Variants in CD1A observed in about 807,000 individuals in gnomAD.
CD1A encodes T-cell surface glycoprotein CD1a.
In CD1A, 50 loss-of-function variants were observed where a neutral mutation model predicts 38.3. The ratio of observed to expected loss-of-function variants is 1.30; its 90% CI spans 1.04 to 1.65. The LOEUF (loss-of-function observed/expected upper bound fraction) is 1.65. Among genes scored for constraint, CD1A ranks in the 40% most tolerant of loss-of-function variants. The probability of loss-of-function intolerance (pLI) is 0.00; values close to 1 mark genes in which losing one functional copy is unlikely to be tolerated. For synonymous variants in CD1A, 160 were observed against 150.8 expected, an observed-to-expected ratio of 1.06 and a Z score of -0.45; for missense variants, 459 against 406.1, an observed-to-expected ratio of 1.13 and a Z score of -1.12.
chr1:158,250,176 G>A (rs968393994), upstream of CD1A, among the ~76,000 whole-genome samples: 1 of 152,214 alleles, frequency 6.6e-6, no homozygotes, highest in African/African-American at 2.4e-5. Context: ...GAGATCAGAC[G>A]GCTGTATGGG....
Position 158,257,919 on chromosome 1 carries a change from C to T in CD1A, c.*229C>T, listed in dbSNP as rs1012461365. ...ACCTGGGTTCTGGGACTTTTAAATT[C>T]AAATTTTATCTCCAGATGGAATGGG... On this transcript the variant is annotated 3_prime_UTR_variant, in exon 6 of 6. Coordinates refer to ENST00000289429, the MANE Select transcript of CD1A (RefSeq NM_001763.3). 1 of 533,184 alleles carries T rather than the reference C, an allele frequency of 1.9e-6. No individual in the cohort carries two copies. Among genetic ancestry groups the T allele is most frequent in the Non-Finnish European group, 3.3e-6 (1 of 299,718 alleles). The allele number at this position is 533,184 out of a possible 1,614,324, so 33.0% of individuals were successfully genotyped here. A position where few individuals can be genotyped will look rare whatever the true frequency, so the allele number is the denominator to read the frequency against.
Position 158,254,579 on chromosome 1 carries a change from G to A in CD1A, c.-91G>A. The A allele has an allele frequency of 6.2e-7, 1 of 1,602,184 alleles. No individual in the cohort carries two copies. Among genetic ancestry groups the A allele is most frequent in the East Asian group, 2.2e-5 (1 of 44,622 alleles). On this transcript the variant is annotated 5_prime_UTR_variant, in exon 1 of 6. Coordinates refer to ENST00000289429, the MANE Select transcript of CD1A (RefSeq NM_001763.3). The stretch of plus-strand genomic sequence containing the variant: ...GTTTGTCTGTTGGCTGCAGAAAGAA[G>A]TCAGAATAGAGATATCGTGGGGTAG...
In CD1A at chr1:158,257,748, C is replaced by T; in HGVS notation, c.*58C>T. On this transcript the variant is annotated 3_prime_UTR_variant, in exon 6 of 6. Coordinates refer to ENST00000289429, the MANE Select transcript of CD1A (RefSeq NM_001763.3). ...CTTTTGGGGTGAGAGACCAGCAGCCCAAGGGCTCCAGACACACCTGAACAC... is the reference window on the plus strand; with the variant it reads ...CTTTTGGGGTGAGAGACCAGCAGCCTAAGGGCTCCAGACACACCTGAACAC... 6.7e-7 allele frequency: 1 copy of T among 1,500,650 alleles called. No homozygotes were observed. Among genetic ancestry groups the T allele is most frequent in the East Asian group, 2.3e-5 (1 of 44,336 alleles). The allele number at this position is 1,500,650 out of a possible 1,614,324, so 93.0% of individuals were successfully genotyped here. A position where few individuals can be genotyped will look rare whatever the true frequency, so the allele number is the denominator to read the frequency against.
intron 3 of CD1A, among the ~76,000 whole-genome samples, 195 bp from the exon 4 acceptor site, chr1:158,256,591 G>A (rs1650263068): frequency 2.0e-5 from 3 of 151,822 alleles, no homozygotes; most frequent in Admixed American, 2.0e-4. Flanking sequence ...GATCGCTTGA[G>A]CCTAACAGTT....
chr1:158,252,322 G>GA (rs1032517289), upstream of CD1A, among the ~76,000 whole-genome samples: 1 of 151,982 alleles, frequency 6.6e-6, no homozygotes, highest in Non-Finnish European at 1.5e-5. Flanking sequence ...AGACTGATGC[G>GA]AATTTCCCTG....
Position 158,257,707 on chromosome 1 carries a change from C to A in CD1A, c.*17C>A. 6.2e-7 allele frequency: 1 copy of A among 1,613,236 alleles called. No homozygotes were observed. Among genetic ancestry groups the A allele is most frequent in the South Asian group, 1.1e-5 (1 of 91,058 alleles). Reference sequence around the variant, plus strand: ...TTCTGTTAAGACACACCATGAGCCTCCTCGTCACCCTTCTCCTTTTGGGGT... The same window carrying A: ...TTCTGTTAAGACACACCATGAGCCTACTCGTCACCCTTCTCCTTTTGGGGT... On this transcript the variant is annotated 3_prime_UTR_variant, in exon 6 of 6. Transcript: ENST00000289429.
At chr1:158,252,284 C>T (rs1173408973), upstream of CD1A, among the ~76,000 whole-genome samples, 1 of 152,068 alleles carries the variant, frequency 6.6e-6, no homozygotes, top group Non-Finnish European at 1.5e-5. Context: ...TCAGAAGACC[C>T]TGGTGAGGTT....
chr1:158,255,897 A>G (rs1650241431), intron 2 of CD1A, 107 bp from the exon 3 acceptor site: 1 of 1,146,724 alleles, frequency 8.7e-7, no homozygotes, highest in East Asian at 2.4e-5. Context: ...ATTTTATTCC[A>G]TTATGTCAAA....
At chr1:158,257,556 A>T (rs752370233) in intron 5 of CD1A, 45 bp downstream of exon 5, 2 of 1,580,622 alleles carry the variant, frequency 1.3e-6, no homozygotes. Context: ...CCTCTACCCC[A>T]CTTTTCTTCC....
rs763944551 is a variant in CD1A, at chr1:158,254,720, T to C, written c.51T>C (p.Asn17=). ...PLLAVLPGDG[N]ADGLKEPLSF... Reference sequence around the variant, plus strand: ...TAGCTGTTCTCCCAGGTGATGGCAATGCAGACGGTAAGAACTCTGACAACT... The same window carrying C: ...TAGCTGTTCTCCCAGGTGATGGCAACGCAGACGGTAAGAACTCTGACAACT... The change falls in exon 1 of 6, where the codon AAT becomes AAC. Residue 17 remains asparagine, a synonymous_variant. Coordinates refer to ENST00000289429, the MANE Select transcript of CD1A (RefSeq NM_001763.3). The C allele has an allele frequency of 4.3e-6, 7 of 1,612,752 alleles. No homozygotes were observed. The highest frequency in any genetic ancestry group is 5.9e-6 in the Non-Finnish European group (7 of 1,178,886).
In CD1A at chr1:158,257,438, G is replaced by A; in HGVS notation, c.901G>A (p.Gly301Ser). The change falls in exon 5 of 6, where the codon GGC becomes AGC. Residue 301 changes from glycine to serine, a missense_variant. Gly to Ser is a moderately conservative substitution (Grantham distance 56). Coordinates refer to ENST00000289429, the MANE Select transcript of CD1A (RefSeq NM_001763.3). ...VLYWEHHSSV[G>S]FIILAVIVPL... The stretch of plus-strand genomic sequence containing the variant: ...ATTCACAGAGCATCACAGTTCCGTG[G>A]GCTTCATCATCTTGGCGGTGATAGT... 6 of 1,613,904 alleles carry A rather than the reference G, an allele frequency of 3.7e-6. No homozygotes were observed. Among genetic ancestry groups the A allele is most frequent in the Non-Finnish European group, 5.1e-6 (6 of 1,179,836 alleles).
chr1:158,254,276 G>C, upstream of CD1A: 20 of 1,098,272 alleles, frequency 1.8e-5, no homozygotes, highest in Non-Finnish European at 2.1e-5. Context: ...AAAGAGCAGG[G>C]ACATGGGAGC....
At chr1:158,250,521 T>C (rs866121697), upstream of CD1A, among the ~76,000 whole-genome samples, 1 of 152,178 alleles carries the variant, frequency 6.6e-6, no homozygotes, top group Non-Finnish European at 1.5e-5. Context: ...TTTGTCTCTT[T>C]ACAACCTTCG....
At chr1:158,248,660 T>C in the CD1A span, among the ~76,000 whole-genome samples, 2 of 152,138 alleles carry the variant, frequency 1.3e-5, no homozygotes, top group African/African-American at 4.8e-5. Flanking sequence ...CCTTCTCTCT[T>C]AATTATTTTC....
upstream of CD1A, among the ~76,000 whole-genome samples, chr1:158,252,364 A>C (rs1650113921): frequency 6.6e-6 from 1 of 152,090 alleles, no homozygotes; most frequent in African/African-American, 2.4e-5. Flanking sequence ...CTATATACTC[A>C]TGCTAGCCTT....
chr1:158,254,521 AGGAGTG>A lies in CD1A; in HGVS notation c.-147_-142del. 2 of 1,491,024 alleles carry A rather than the reference AGGAGTG, an allele frequency of 1.3e-6. No individual in the cohort carries two copies. Among genetic ancestry groups the A allele is most frequent in the Non-Finnish European group, 1.8e-6 (2 of 1,122,074 alleles). The allele number at this position is 1,491,024 out of a possible 1,614,324, so 92.4% of individuals were successfully genotyped here. On this transcript the variant is annotated 5_prime_UTR_variant, in exon 1 of 6. Transcript: ENST00000289429. ...TGAGTAGGCATCTCAGGGTTTTTGA[AGGAGTG>A]GATTTTCTTTGTTGCAGTCAGGGGA...
chr1:158,250,811 G>A (rs1298678190), upstream of CD1A, among the ~76,000 whole-genome samples: 2 of 152,166 alleles, frequency 1.3e-5, no homozygotes, highest in East Asian at 3.8e-4. Context: ...ATTTGAATGA[G>A]GGAGAAGCCT....
chr1:158,255,959 A>G (rs1650242810), intron 2 of CD1A, 45 bp from the exon 3 acceptor site: 1 of 1,559,898 alleles, frequency 6.4e-7, no homozygotes, highest in African/African-American at 1.4e-5. Flanking sequence ...TACTCATTTC[A>G]TTTTATATTT....
Position 158,256,971 on chromosome 1 carries a change from G to T in CD1A, c.790G>T (p.Ala264Ser). ...PSADGTWYLR[A>S]TLEVAAGEAA... is the part of the protein sequence containing the mutation. ...TGCTGATGGGACATGGTATCTCCGC[G>T]CAACCCTGGAGGTGGCCGCTGGGGA... is the stretch of plus-strand genomic sequence containing the variant. Residue 264 changes from alanine to serine, a missense_variant, in exon 4 of 6, where the codon GCA becomes TCA. Ala to Ser is a moderately conservative substitution (Grantham distance 99, BLOSUM62 1). Transcript: ENST00000289429. The T allele has an allele frequency of 6.2e-7, 1 of 1,614,178 alleles. No individual in the cohort carries two copies. The highest frequency in any genetic ancestry group is 1.7e-5 in the Admixed American group (1 of 60,024).
Sources: gnomAD v4.1 joint callset for allele counts (sites outside exome capture counted in the v4.1 genomes callset) on GRCh38, gnomAD v4.1.1 for gene constraint, MANE v1.5 for transcripts, NCBI Gene and HGNC (gene_info 2026-07-23, HGNC 2026-07-21) for gene names.